The following PLA2G4F variants were observed in gnomAD, a reference collection of about 807,000 sequenced individuals.
PLA2G4F encodes the protein phospholipase A2 group IVF, also known as cytosolic phospholipase A2 zeta.
In PLA2G4F, 105 loss-of-function variants were observed where a neutral mutation model predicts 103.1. That is an observed-to-expected ratio of 1.02 (90% CI 0.87 to 1.20). The LOEUF (loss-of-function observed/expected upper bound fraction) is 1.20. Among genes scored for constraint, PLA2G4F ranks in the 50% most tolerant of loss-of-function variants. The pLI is 0.00. For synonymous variants in PLA2G4F, 468 were observed against 441.1 expected, an observed-to-expected ratio of 1.06 and a Z score of -0.76; for missense variants, 1,155 against 1,075.9, an observed-to-expected ratio of 1.07 and a Z score of -1.03.
At chr15:42,155,666 T>C in intron 1 of PLA2G4F, 77 bp from the exon 2 acceptor site, 1 of 1,453,058 alleles carries the variant, frequency 6.9e-7, no homozygotes, top group Non-Finnish European at 9.6e-7. Flanking sequence ...CCTCGTCCCA[T>C]CATGGAGCAG....
At position 42,142,169 on chromosome 15, in the gene PLA2G4F, C is replaced by T. The variant is rs779604693; in HGVS notation, c.2365G>A (p.Gly789Arg). Residue 789 changes from glycine to arginine, a missense_variant, in exon 20 of 20, where the codon GGG (glycine) becomes AGG (arginine). Physicochemically the swap from Gly to Arg is moderately radical, Grantham distance 125. Coordinates refer to ENST00000397272, the MANE Select transcript of PLA2G4F (RefSeq NM_213600.4). ...TCTGGCCTGTTGATGACAAAGTCCC[C>T]AAAGGCCTTCTCCTCAGCTGTTTGT... ...ERQTAEEKAFGDFVINRPDTP... is the reference protein window; with the variant it reads ...ERQTAEEKAFRDFVINRPDTP... 14 of 1,613,838 alleles carry T rather than the reference C, an allele frequency of 8.7e-6. No individual in the cohort carries two copies. The Admixed American group carries it at 1.7e-4, about 19-fold the overall frequency.
Position 42,154,244 on chromosome 15 carries a change from T to C in PLA2G4F, c.322-24A>G, listed in dbSNP as rs756766240. The C allele has an allele frequency of 5.7e-5, 92 of 1,613,814 alleles. 1 individual carries two copies. In the South Asian group the frequency reaches 1.0e-3, roughly 18 times the overall value. The stretch of plus-strand genomic sequence containing the variant: ...TTCTGGGGACAAGGCAGGCAGGAGG[T>C]CCGAGCATGAGGTAGGACAGGAGGG... On this transcript the variant is annotated intron_variant, in intron 3 of 19. Coordinates refer to ENST00000397272, the MANE Select transcript of PLA2G4F (RefSeq NM_213600.4).
rs756627646 is a variant in PLA2G4F at position 42,147,163 on chromosome 15, G to A, written c.1380C>T (p.Asp460=). ...ERSGHSVSLI[D]LWGLLVEYLL... is the part of the protein sequence containing the mutation. ...GATACTCAACAAGGAGGCCCCAGAGGTCGATGAGGGACACGCTGTGGCCAC... is the reference window on the plus strand; with the variant it reads ...GATACTCAACAAGGAGGCCCCAGAGATCGATGAGGGACACGCTGTGGCCAC... Residue 460 remains aspartate (D), a synonymous_variant, in exon 13 of 20, where the codon GAC becomes GAT. Coordinates refer to ENST00000397272, the MANE Select transcript of PLA2G4F (RefSeq NM_213600.4). 6.2e-7 allele frequency: 1 copy of A among 1,612,862 alleles called. No homozygotes were observed. Among genetic ancestry groups the A allele is most frequent in the Non-Finnish European group, 8.5e-7 (1 of 1,179,950 alleles).
intron 16 of PLA2G4F, 89 bp from the exon 17 acceptor site, chr15:42,144,733 A>T (rs937926336): frequency 2.1e-5 from 28 of 1,309,518 alleles, no homozygotes; most frequent in Middle Eastern, 2.2e-4. Flanking sequence ...CCCCTCCCCA[A>T]CAGTGAGCCC....
rs761071213 is a variant in PLA2G4F, at chr15:42,142,038, G to T, written c.2496C>A (p.Cys832Ter). ...NVLNNVETLKCALQLALDRHQ... is the reference protein window; with the variant it reads ...NVLNNVETLK ...GCCGGTCCAGAGCCAGCTGGAGGGC[G>T]CACTTCAAGGTCTCCACGTTGTTCA... The change falls in exon 20 of 20, where the codon TGC becomes TGA. Residue 832 changes from cysteine to a stop codon, truncating the protein, a stop_gained. Transcript: ENST00000397272. LOFTEE classifies it high-confidence loss of function. 6.2e-7 allele frequency: 1 copy of T among 1,614,116 alleles called. No homozygotes were observed. Among genetic ancestry groups the T allele is most frequent in the East Asian group, 2.2e-5 (1 of 44,882 alleles).
chr15:42,155,586 C>T lies in PLA2G4F; in HGVS notation c.115G>A (p.Glu39Lys), dbSNP rs1394553974. 6.8e-6 allele frequency: 11 copies of T among 1,613,870 alleles called. No individual in the cohort carries two copies. Among genetic ancestry groups the T allele is most frequent in the Non-Finnish European group, 8.5e-6 (10 of 1,179,882 alleles). ...TGGAGGTCATAGTATGGGTAGGTTT[C>T]CCGCTGCAATAACAGAACTCCAGGG... The part of the protein sequence containing the change: ...RGPLWRHWRR[E>K]TYPYYDLQVK... The change falls in exon 2 of 20, where the codon GAA becomes AAA. Residue 39 changes from glutamate (E) to lysine (K), a missense_variant. Glu to Lys is a moderately conservative substitution (Grantham distance 56). This residue lies in a region of PLA2G4F where 370 missense variants were observed against 364.9 expected (regional missense o/e 1.01). Transcript: ENST00000397272.
At chr15:42,143,950 C>T in intron 18 of PLA2G4F, 28 bp downstream of exon 18, 1 of 1,575,204 alleles carries the variant, frequency 6.3e-7, no homozygotes, top group African/African-American at 1.3e-5. Flanking sequence ...ACTGCAGGTG[C>T]TCCCCACATC....
rs765961740 is a variant in PLA2G4F at position 42,154,423 on chromosome 15, G to A, written c.220C>T (p.Pro74Ser). 4 of 1,607,730 alleles carry A rather than the reference G, an allele frequency of 2.5e-6. No homozygotes were observed. Among genetic ancestry groups the A allele is most frequent in the Middle Eastern group, 3.3e-4 (2 of 6,022 alleles). Residue 74 changes from proline (P) to serine (S), a missense_variant, in exon 3 of 20, where the codon CCC becomes TCC. Pro to Ser is a moderately conservative substitution (Grantham distance 74, BLOSUM62 -1). This residue lies in a region of PLA2G4F where 370 missense variants were observed against 364.9 expected (regional missense o/e 1.01). Transcript: ENST00000397272. ...KADCYVQLWLPTASPSPAQTR... is the reference protein window; with the variant it reads ...KADCYVQLWLSTASPSPAQTR... ...TGGGCAGGGCTTGGGGACGCCGTGG[G>A]CAGCCACAGTTGCACATAGCAGTCG...
In PLA2G4F at chr15:42,144,001, A is replaced by T; in HGVS notation, c.2119T>A (p.Tyr707Asn). Residue 707 changes from tyrosine to asparagine, a missense_variant, in exon 18 of 20, where the codon TAT (tyrosine) becomes AAT (asparagine). By Grantham distance (143) the Tyr-to-Asn change is moderately radical. Coordinates refer to ENST00000397272, the MANE Select transcript of PLA2G4F (RefSeq NM_213600.4). Reference sequence around the variant, plus strand: ...ACCTCAAAAGGGGCTTCCAAGGAATAGTCAAAGGACAGAATGAGGTCCACT... The same window carrying T: ...ACCTCAAAAGGGGCTTCCAAGGAATTGTCAAAGGACAGAATGAGGTCCACT... ...RAVDLILSFD[Y>N]SLEAPFEVLK... 1 of 1,611,150 alleles carries T rather than the reference A, an allele frequency of 6.2e-7. No individual in the cohort carries two copies. Among genetic ancestry groups the T allele is most frequent in the East Asian group, 2.2e-5 (1 of 44,736 alleles).
In PLA2G4F at chr15:42,144,502, A is replaced by C. The variant is rs773378399; in HGVS notation, c.1923T>G (p.Gly641=). The C allele has an allele frequency of 6.2e-7, 1 of 1,612,172 alleles. No individual in the cohort carries two copies. Among genetic ancestry groups the C allele is most frequent in the South Asian group, 1.1e-5 (1 of 90,992 alleles). ...TSAQSFNFTR[G]LCLHKDYVAG... ...CCACATAGTCCTTGTGCAAGCAGAGACCCCGGGTGAAGTTAAAGCTCTGGG... is the reference window on the plus strand; with the variant it reads ...CCACATAGTCCTTGTGCAAGCAGAGCCCCCGGGTGAAGTTAAAGCTCTGGG... The change falls in exon 17 of 20, where the codon GGT becomes GGG. Residue 641 remains glycine, a synonymous_variant. Coordinates refer to ENST00000397272, the MANE Select transcript of PLA2G4F (RefSeq NM_213600.4).
intron 11 of PLA2G4F, chr15:42,148,961 C>G: frequency 1.0e-6 from 1 of 985,420 alleles, no homozygotes; most frequent in Non-Finnish European, 1.2e-6. Flanking sequence ...CTTGTCAGCG[C>G]TGGGCCACAG....
rs756724700 is a variant in PLA2G4F, at chr15:42,139,312, G to T, written c.*2672C>A. On this transcript the variant is annotated 3_prime_UTR_variant, in exon 20 of 20. Transcript: ENST00000397272. ...CCTTGCCCTCTGCCTCAGGGTTATA[G>T]AACAGCTGTCTTTAGCTATTCTCCT... is the stretch of plus-strand genomic sequence containing the variant. 1 of 153,894 alleles carries T rather than the reference G, an allele frequency of 6.5e-6. No individual in the cohort carries two copies. Among genetic ancestry groups the T allele is most frequent in the Non-Finnish European group, 1.5e-5 (1 of 68,072 alleles). 9.5% of individuals were successfully genotyped at this position (153,894 alleles called of 1,614,324 possible).
rs1202907958 is a variant in PLA2G4F at position 42,153,630 on chromosome 15, G to C, written c.481C>G (p.Leu161Val). 1 of 1,614,062 alleles carries C rather than the reference G, an allele frequency of 6.2e-7. No homozygotes were observed. Among genetic ancestry groups the C allele is most frequent in the East Asian group, 2.2e-5 (1 of 44,878 alleles). ...DSQELQVEFV[L>V]EKSQVPASEV... ...TCTACCAGAACTCACCTCTTCTCCA[G>C]AACAAATTCCACCTGCAGCTCTTGT... Residue 161 changes from leucine to valine, a missense_variant, in exon 5 of 20, where the codon CTG becomes GTG. By Grantham distance (32) the Leu-to-Val change is conservative (BLOSUM62 1). Coordinates refer to ENST00000397272, the MANE Select transcript of PLA2G4F (RefSeq NM_213600.4).
chr15:42,145,324 A>G (rs664177), intron 16 of PLA2G4F, among the ~76,000 whole-genome samples: 100,772 of 150,874 alleles, frequency 0.67, 34,565 homozygotes, highest in Admixed American at 0.79. Flanking sequence ...CAGACAGAGT[A>G]TCAACCCAAT....
rs1414110234 is a variant in PLA2G4F at position 42,144,361 on chromosome 15, C to T, written c.1975+89G>A. ...AGGCAGCAGGAGACCACACCTCAAC[C>T]CCCAGCCCAAAGCCAGCACTGGCTC... On this transcript the variant is annotated intron_variant, in intron 17 of 19. Transcript: ENST00000397272. 2.6e-6 allele frequency: 4 copies of T among 1,535,220 alleles called. No homozygotes were observed. The Admixed American group carries it at 6.9e-5, about 26-fold the overall frequency.
rs1221043726 is a variant in PLA2G4F, at chr15:42,147,134, A to G, written c.1409T>C (p.Leu470Pro). 5.0e-6 allele frequency: 8 copies of G among 1,612,096 alleles called. No homozygotes were observed. The highest frequency in any genetic ancestry group is 5.9e-6 in the Non-Finnish European group (7 of 1,179,608). The change falls in exon 13 of 20, where the codon CTG (leucine) becomes CCG (proline). Residue 470 changes from leucine to proline, a missense_variant. Transcript: ENST00000397272. ...TGGCTCTTCTCTCACCTCCTGGTAC[A>G]GGAGATACTCAACAAGGAGGCCCCA... ...DLWGLLVEYL[L>P]YQEENPAKLS...
intron 11 of PLA2G4F, among the ~76,000 whole-genome samples, chr15:42,147,996 G>A (rs1296896531): frequency 6.6e-6 from 1 of 152,094 alleles, no homozygotes; most frequent in African/African-American, 2.4e-5. Flanking sequence ...CGAGACCACG[G>A]TGAAACCCCG....
chr15:42,139,756 G>C lies in PLA2G4F; in HGVS notation c.*2228C>G, dbSNP rs1309155519. 1 of 152,428 alleles carries C rather than the reference G, an allele frequency of 6.6e-6. No individual in the cohort carries two copies. The highest frequency in any genetic ancestry group is 1.5e-5 in the Non-Finnish European group (1 of 68,180). 9.4% of individuals were successfully genotyped at this position (152,428 alleles called of 1,614,324 possible). On this transcript the variant is annotated 3_prime_UTR_variant, in exon 20 of 20. Transcript: ENST00000397272. Reference sequence around the variant, plus strand: ...CCCATCCCTGGCTGAGATCCTCCCTGTACTTCTGGCCAATATCTGGGCCAC... The same window carrying C: ...CCCATCCCTGGCTGAGATCCTCCCTCTACTTCTGGCCAATATCTGGGCCAC...
intron 18 of PLA2G4F, among the ~76,000 whole-genome samples, chr15:42,142,994 C>G (rs1332493983): frequency 6.6e-6 from 1 of 152,022 alleles, no homozygotes; most frequent in Non-Finnish European, 1.5e-5. Flanking sequence ...CCCTGGCCAA[C>G]ATGGTGAAAC....
Sources: allele counts gnomAD v4.1 joint callset (sites outside exome capture counted in the v4.1 genomes callset), GRCh38; gene constraint gnomAD v4.1.1; regional missense constraint gnomAD v4.1.1; transcripts MANE v1.5; gene names NCBI Gene and HGNC (gene_info 2026-07-23, HGNC 2026-07-21).